Variants in PHAF1 observed in about 807,000 individuals in gnomAD.
PHAF1 encodes the protein phagosome assembly factor 1.
A neutral mutation model predicts 63.1 loss-of-function variants in PHAF1; 23 were observed. That is an observed-to-expected ratio of 0.36 (90% CI 0.26 to 0.52). The LOEUF (loss-of-function observed/expected upper bound fraction) is 0.52, where lower values mean the gene tolerates loss of function less well. Ranked by LOEUF, PHAF1 falls within the 20% of genes least tolerant of loss-of-function variation. The pLI is 0.93. For synonymous variants in PHAF1, 167 were observed against 185.0 expected (o/e 0.90, Z 0.79); for missense variants, 427 against 517.2 (o/e 0.83, Z 1.69).
At chr16:67,145,136 G>A (rs1467759235) in intron 12 of PHAF1, among the ~76,000 whole-genome samples, 1 of 152,030 alleles carries the variant, frequency 6.6e-6, no homozygotes, top group Non-Finnish European at 1.5e-5. Context: ...TGATCATCCA[G>A]GGGGCCCCAG....
At chr16:67,144,079 A>G (rs749113618) in intron 10 of PHAF1, among the ~76,000 whole-genome samples, 17 of 152,206 alleles carry the variant, frequency 1.1e-4, no homozygotes, top group Non-Finnish European at 2.2e-4. Context: ...TCCAGCCTCC[A>G]TGACAGAGTG....
chr16:67,122,985 T>A (rs1205038951), intron 2 of PHAF1, among the ~76,000 whole-genome samples: 1 of 151,766 alleles, frequency 6.6e-6, no homozygotes, highest in African/African-American at 2.4e-5. Flanking sequence ...CGTCTTGTCC[T>A]CCCAAAGTGC....
Position 67,147,199 on chromosome 16 carries a change from T to C in PHAF1, c.*68T>C, listed in dbSNP as rs1053804868. ...TCACATCCTGCTCAGTGGGCCTCTG[T>C]ACCACCCTGTGGGTTTTCTTGGACA... On this transcript the variant is annotated 3_prime_UTR_variant, in exon 16 of 16. Coordinates refer to ENST00000219139, the MANE Select transcript of PHAF1 (RefSeq NM_025187.5). 3 of 1,454,018 alleles carry C rather than the reference T, an allele frequency of 2.1e-6. No homozygotes were observed. In the African/African-American group the frequency reaches 4.2e-5, roughly 20 times the overall value. The allele number at this position is 1,454,018 out of a possible 1,614,324, so 90.1% of individuals were successfully genotyped here.
At chr16:67,110,764 G>A (rs1392778942) in intron 1 of PHAF1, among the ~76,000 whole-genome samples, 3 of 152,164 alleles carry the variant, frequency 2.0e-5, no homozygotes, top group Non-Finnish European at 4.4e-5. Flanking sequence ...TCTGGTCAAG[G>A]GAGTTGAGTT....
rs539297455 is a variant in PHAF1 at position 67,147,085 on chromosome 16, G to GC, written c.1230dup (p.Arg411GlnfsTer4). On this transcript the variant is annotated frameshift_variant, in exon 16 of 16. Coordinates refer to ENST00000219139, the MANE Select transcript of PHAF1 (RefSeq NM_025187.5). LOFTEE classifies it high-confidence loss of function. The stretch of plus-strand genomic sequence containing the variant: ...CACATTGCCTCGGTGACCCTGTATG[G>GC]CCCCCCCAGGCCTGGTAGCCACCTG... 20 of 1,613,726 alleles carry GC rather than the reference G, an allele frequency of 1.2e-5. No homozygotes were observed. The highest frequency in any genetic ancestry group is 3.3e-5 in the Admixed American group (2 of 59,966).
At position 67,146,383 on chromosome 16, in the gene PHAF1, T is replaced by TG. The variant is rs758124351; in HGVS notation, c.1182+39dup. 42 of 1,596,998 alleles carry TG rather than the reference T, an allele frequency of 2.6e-5. No individual in the cohort carries two copies. The South Asian group carries it at 4.2e-4, about 16-fold the overall frequency. ...GTGGAAGCCCTAGAAATAAACTGCC[T>TG]GGGGGGTTGCTGGTCATGGCAGGGC... On this transcript the variant is annotated intron_variant, in intron 15 of 15. Transcript: ENST00000219139.
intron 1 of PHAF1, among the ~76,000 whole-genome samples, chr16:67,110,877 C>A (rs1300599275): frequency 6.6e-6 from 1 of 152,126 alleles, no homozygotes; most frequent in Non-Finnish European, 1.5e-5. Flanking sequence ...GTTGCGTGAT[C>A]TTGGCTCACT....
chr16:67,131,385 A>T, intron 4 of PHAF1, 56 bp downstream of exon 4: 1 of 1,245,002 alleles, frequency 8.0e-7, no homozygotes, highest in Non-Finnish European at 1.1e-6. Context: ...GGCCATATCT[A>T]CTATCTTCAT....
intron 3 of PHAF1, among the ~76,000 whole-genome samples, chr16:67,129,675 G>A (rs1297199262): frequency 6.6e-6 from 1 of 152,218 alleles, no homozygotes; most frequent in Non-Finnish European, 1.5e-5. Flanking sequence ...CTCCCAGCTG[G>A]AGGATGGTAG....
chr16:67,111,785 G>A (rs1026407099), intron 1 of PHAF1, among the ~76,000 whole-genome samples: 3 of 151,998 alleles, frequency 2.0e-5, no homozygotes, highest in Non-Finnish European at 4.4e-5. Flanking sequence ...CACCACACCC[G>A]GCTAATTTTT....
Position 67,148,371 on chromosome 16 carries a change from C to T in PHAF1, c.*1240C>T, listed in dbSNP as rs143108496. ...GGTGTCTTCCCATTTGGACTGTGGC[C>T]TGGCCAGAGCCCCTTGCATATCCCC... On this transcript the variant is annotated 3_prime_UTR_variant, in exon 16 of 16. Transcript: ENST00000219139. 4 of 152,770 alleles carry T rather than the reference C, an allele frequency of 2.6e-5. No homozygotes were observed. The highest frequency in any genetic ancestry group is 5.9e-5 in the Non-Finnish European group (4 of 68,052). 9.5% of individuals were successfully genotyped at this position (152,770 alleles called of 1,614,324 possible).
At chr16:67,113,249 A>G (rs1414737818) in intron 1 of PHAF1, among the ~76,000 whole-genome samples, 1 of 152,134 alleles carries the variant, frequency 6.6e-6, no homozygotes, top group African/African-American at 2.4e-5. Context: ...TGGCATCACA[A>G]TGGGAAGCTG....
chr16:67,115,758 C>T (rs1962709386), intron 1 of PHAF1, among the ~76,000 whole-genome samples: 1 of 152,174 alleles, frequency 6.6e-6, no homozygotes, highest in African/African-American at 2.4e-5. Context: ...ACCATGGCTG[C>T]TTCGTCTCCT....
At chr16:67,118,053 C>T (rs998281839) in intron 1 of PHAF1, among the ~76,000 whole-genome samples, 2 of 149,384 alleles carry the variant, frequency 1.3e-5, no homozygotes, top group African/African-American at 4.9e-5. Context: ...CTCCCAGGTT[C>T]ATGCCATTCT....
intron 10 of PHAF1, among the ~76,000 whole-genome samples, chr16:67,143,445 T>C (rs1186700004): frequency 1.3e-5 from 2 of 152,138 alleles, no homozygotes; most frequent in Non-Finnish European, 2.9e-5. Flanking sequence ...CCTCCTGCCT[T>C]GGCCTCCCAA....
At chr16:67,134,532 C>T in intron 8 of PHAF1, 65 bp downstream of exon 8, 1 of 1,343,258 alleles carries the variant, frequency 7.4e-7, no homozygotes, top group South Asian at 1.2e-5. Context: ...GTCTAAAATC[C>T]CACGTGCTTA....
intron 4 of PHAF1, 86 bp from the exon 5 acceptor site, chr16:67,132,360 A>T: frequency 8.2e-7 from 1 of 1,226,464 alleles, no homozygotes. Context: ...CCTGTGTCTT[A>T]AAAATAACTC....
chr16:67,130,808 C>T lies in PHAF1; in HGVS notation c.232-478C>T, dbSNP rs796246595. Reference sequence around the variant, plus strand: ...TAGGGTGGTGTGTGCTCCAGCCTGACCCAGAAGTGGACTGCATGTAAGAGC... The same window carrying T: ...TAGGGTGGTGTGTGCTCCAGCCTGATCCAGAAGTGGACTGCATGTAAGAGC... On this transcript the variant is annotated intron_variant, in intron 3 of 15. Transcript: ENST00000219139. Among the ~76,000 whole-genome samples, 65 of 152,282 alleles carry T rather than the reference C, an allele frequency of 4.3e-4. 1 individual carries two copies. The highest frequency in any genetic ancestry group is 7.9e-4 in the Non-Finnish European group (54 of 68,024).
chr16:67,117,199 A>ATTTTTTTTTTTTTTTTTTTTTTT (rs750308105), intron 1 of PHAF1, among the ~76,000 whole-genome samples: 6 of 111,952 alleles, frequency 5.4e-5, no homozygotes, highest in African/African-American at 2.4e-4. Flanking sequence ...TGCCCAGCTA[A>ATTTTTTTTTTTTTTTTTTTTTTT]TTTTTTTTTT....
Sources: gnomAD v4.1 joint callset for allele counts (sites outside exome capture counted in the v4.1 genomes callset) on GRCh38, gnomAD v4.1.1 for gene constraint, MANE v1.5 for transcripts, NCBI Gene and HGNC (gene_info 2026-07-23, HGNC 2026-07-21) for gene names.